The following CPA3 variants were observed in gnomAD, a reference collection of about 807,000 sequenced individuals.
CPA3 encodes mast cell carboxypeptidase A.
Under a neutral mutation model 55.8 loss-of-function variants are expected in CPA3, and 52 were observed. The ratio of observed to expected loss-of-function variants is 0.93; its 90% confidence interval spans 0.75 to 1.17. The LOEUF (loss-of-function observed/expected upper bound fraction) is 1.17. Among genes scored for constraint, CPA3 ranks in the 50% most tolerant of loss-of-function variants. The pLI, the probability that CPA3 is intolerant of heterozygous loss-of-function variation, is 0.00. For synonymous variants in CPA3, 179 were observed against 171.2 expected (o/e 1.05, Z -0.36); for missense variants, 547 against 509.1 (o/e 1.07, Z -0.72).
At chr3:148,886,023 AC>A (rs1714517785) in intron 9 of CPA3, 69 bp from the exon 10 acceptor site, 1 of 1,076,570 alleles carries the variant, frequency 9.3e-7, no homozygotes. Flanking sequence ...TTGCATACAT[AC>A]ATAATTACAT....
At chr3:148,886,227 C>T (rs1284912291) in intron 10 of CPA3, 50 bp downstream of exon 10, 1 of 1,320,770 alleles carries the variant, frequency 7.6e-7, no homozygotes, top group Non-Finnish European at 1.1e-6. Flanking sequence ...TTATTTTTTA[C>T]AAATATTAAA....
At chr3:148,886,001 T>C in intron 9 of CPA3, 92 bp from the exon 10 acceptor site, 1 of 841,738 alleles carries the variant, frequency 1.2e-6, no homozygotes, top group East Asian at 2.6e-5. Context: ...CCTGTAAGAC[T>C]CCATTAAAAA....
chr3:148,890,217 T>C (rs1426321829), intron 10 of CPA3, among the ~76,000 whole-genome samples: 2 of 152,204 alleles, frequency 1.3e-5, no homozygotes, highest in South Asian at 4.1e-4. Context: ...TAATGTTTAA[T>C]GTGAAATGAT....
intron 2 of CPA3, among the ~76,000 whole-genome samples, chr3:148,868,222 T>C (rs1713960379): frequency 6.6e-6 from 1 of 152,114 alleles, no homozygotes; most frequent in Non-Finnish European, 1.5e-5. Flanking sequence ...AATGCTATAC[T>C]TCTGAGCTCA....
In CPA3 at chr3:148,882,026, A is replaced by T. The variant is rs930969242; in HGVS notation, c.687+394A>T. ...ATCAAAAAAAATAAAAGAGAGGTAC[A>T]GATACCTATTTGTCTTTTTACAGTA... On this transcript the variant is annotated intron_variant, in intron 7 of 10. Coordinates refer to ENST00000296046, the MANE Select transcript of CPA3 (RefSeq NM_001870.4). Among the ~76,000 whole-genome samples the T allele has an allele frequency of 1.7e-4, 26 of 152,314 alleles. 1 individual carries two copies. The highest frequency in any genetic ancestry group is 6.0e-4 in the African/African-American group (25 of 41,582).
In CPA3 at chr3:148,869,020, C is replaced by A. The variant is rs1396524808; in HGVS notation, c.250C>A (p.Gln84Lys). 6.2e-7 allele frequency: 1 copy of A among 1,613,686 alleles called. No homozygotes were observed. The highest frequency in any genetic ancestry group is 1.1e-5 in the South Asian group (1 of 91,010). Residue 84 changes from glutamine to lysine, a missense_variant, in exon 3 of 11, where the codon CAA becomes AAA. Transcript: ENST00000296046. ...CCAAGCCATCCAGTCTGCCTTGGAT[C>A]AAAATAAAATGCACTATGAGTAAGT... ...ESQAIQSALDQNKMHYEILIH... is the reference protein window; with the variant it reads ...ESQAIQSALDKNKMHYEILIH...
At chr3:148,871,188 C>G (rs1244771373) in intron 3 of CPA3, among the ~76,000 whole-genome samples, 1 of 152,190 alleles carries the variant, frequency 6.6e-6, no homozygotes, top group African/African-American at 2.4e-5. Context: ...TCTCTTGATT[C>G]ACTTCATTGC....
chr3:148,878,024 G>T (rs572955694), intron 3 of CPA3, among the ~76,000 whole-genome samples: 1 of 152,176 alleles, frequency 6.6e-6, no homozygotes, highest in Non-Finnish European at 1.5e-5. Flanking sequence ...AAAAGCAACA[G>T]GTAAAATTAA....
At chr3:148,878,388 T>C in intron 3 of CPA3, 53 bp from the exon 4 acceptor site, 9 of 1,243,490 alleles carry the variant, frequency 7.2e-6, no homozygotes, top group Non-Finnish European at 9.5e-6. Flanking sequence ...AAGATAACTG[T>C]GTTTTCCTTT....
intron 10 of CPA3, 115 bp downstream of exon 10, chr3:148,886,292 T>C: frequency 1.5e-6 from 1 of 678,018 alleles, no homozygotes; most frequent in Non-Finnish European, 2.5e-6. Flanking sequence ...CTAATTTAAA[T>C]TCTACTTTTT....
intron 3 of CPA3, among the ~76,000 whole-genome samples, chr3:148,874,133 C>T (rs943962060): frequency 6.6e-6 from 1 of 152,126 alleles, no homozygotes; most frequent in Admixed American, 6.6e-5. Flanking sequence ...AATCTGGCAC[C>T]GTTCTGATGT....
chr3:148,896,888 G>A lies in CPA3; in HGVS notation c.*181G>A. The stretch of plus-strand genomic sequence containing the variant: ...CTTTCAGTAGCACCATAACGAAGTA[G>A]CTTTAAGTGAAACCTTTTAACTACC... On this transcript the variant is annotated 3_prime_UTR_variant, in exon 11 of 11. Coordinates refer to ENST00000296046, the MANE Select transcript of CPA3 (RefSeq NM_001870.4). 1 of 449,576 alleles carries A rather than the reference G, an allele frequency of 2.2e-6. No individual in the cohort carries two copies. The allele number at this position is 449,576 out of a possible 1,614,324, so 27.8% of individuals were successfully genotyped here. A position where few individuals can be genotyped will look rare whatever the true frequency, so the allele number is the denominator to read the frequency against.
At chr3:148,880,026 C>A in intron 6 of CPA3, 137 bp downstream of exon 6, 1 of 571,772 alleles carries the variant, frequency 1.7e-6, no homozygotes, top group Non-Finnish European at 3.1e-6. Flanking sequence ...GGAAGAAACG[C>A]TCTGAATTTT....
At chr3:148,888,758 C>T (rs901083028) in intron 10 of CPA3, among the ~76,000 whole-genome samples, 1 of 152,118 alleles carries the variant, frequency 6.6e-6, no homozygotes, top group African/African-American at 2.4e-5. Flanking sequence ...AATAATTATC[C>T]GTGTGTGTGT....
intron 3 of CPA3, among the ~76,000 whole-genome samples, chr3:148,874,203 CTTTGT>C (rs1254225288): frequency 6.6e-6 from 1 of 151,796 alleles, no homozygotes. Flanking sequence ...GTTTTTTTTG[CTTTGT>C]TTTGTTTGGT....
intron 10 of CPA3, among the ~76,000 whole-genome samples, chr3:148,894,467 CAAAA>C (rs11338734): frequency 6.8e-6 from 1 of 146,926 alleles, no homozygotes; most frequent in South Asian, 2.1e-4. Flanking sequence ...ACAGAAAGAA[CAAAA>C]AAAAAAAAAG....
rs1333125943 is a variant in CPA3, at chr3:148,897,141, TC to T, written c.*435del. On this transcript the variant is annotated 3_prime_UTR_variant, in exon 11 of 11. Coordinates refer to ENST00000296046, the MANE Select transcript of CPA3 (RefSeq NM_001870.4). ...CTGTATTTCTCTATAGCATTAATAA[TC>T]AATATTAATGCCATTCATTCAGTCT... The T allele has an allele frequency of 6.5e-6, 1 of 152,834 alleles. No individual in the cohort carries two copies. The highest frequency in any genetic ancestry group is 1.5e-5 in the Non-Finnish European group (1 of 68,514). 9.5% of individuals were successfully genotyped at this position (152,834 alleles called of 1,614,324 possible).
chr3:148,874,398 C>T (rs541924942), intron 3 of CPA3, among the ~76,000 whole-genome samples: 2 of 152,252 alleles, frequency 1.3e-5, no homozygotes, highest in South Asian at 4.1e-4. Context: ...GGAGCAAAAG[C>T]CACGTGCCCT....
At chr3:148,869,608 A>G (rs1469125830) in intron 3 of CPA3, among the ~76,000 whole-genome samples, 1 of 152,222 alleles carries the variant, frequency 6.6e-6, no homozygotes, top group Non-Finnish European at 1.5e-5. Flanking sequence ...AGTAGAATAC[A>G]GTTTAAATCA....
Sources: allele counts gnomAD v4.1 joint callset (sites outside exome capture counted in the v4.1 genomes callset), GRCh38; gene constraint gnomAD v4.1.1; transcripts MANE v1.5; gene names NCBI Gene and HGNC (gene_info 2026-07-23, HGNC 2026-07-21).